Variants in EXD2 observed in about 807,000 individuals in gnomAD.
EXD2 encodes exonuclease 3'-5' domain-containing protein 2.
EXD2 carries 40 observed loss-of-function variants against 62.5 expected under a neutral mutation model. That is an observed-to-expected ratio of 0.64 (90% CI 0.50 to 0.83). EXD2 has a LOEUF of 0.83. Ranked by LOEUF, EXD2 falls within the 40% of genes least tolerant of loss-of-function variation. The pLI is 0.00. For synonymous variants in EXD2, 239 were observed against 291.9 expected (o/e 0.82, Z 1.85); for missense variants, 671 against 761.8 (o/e 0.88, Z 1.40).
intron 2 of EXD2, among the ~76,000 whole-genome samples, chr14:69,206,481 TTTTTTG>T: frequency 1.7e-5 from 2 of 115,872 alleles, no homozygotes; most frequent in African/African-American, 6.8e-5. Context: ...TTTTTTTTTT[TTTTTTG>T]AGATAGGGTC....
intron 3 of EXD2, among the ~76,000 whole-genome samples, chr14:69,221,419 TAA>T (rs1314321008): frequency 6.6e-6 from 1 of 152,222 alleles, no homozygotes; most frequent in Non-Finnish European, 1.5e-5. Context: ...TCAGTTTTGA[TAA>T]GTTATATATT....
At position 69,236,547 on chromosome 14, in the gene EXD2, G is replaced by A. The variant is rs138356811; in HGVS notation, c.1292+5G>A. ...CAAGAGAGACTCCTACATTCGGTGA[G>A]TGCAGCATTGGGCCACCCTGGTTGT... is the stretch of plus-strand genomic sequence containing the variant. On this transcript the variant is annotated splice_donor_5th_base_variant and intron_variant, in intron 8 of 9. Transcript: ENST00000685843. 179 of 1,614,116 alleles carry A rather than the reference G, an allele frequency of 1.1e-4. 2 individuals carry two copies. In the East Asian group the frequency reaches 3.1e-3, roughly 28 times the overall value.
chr14:69,217,910 G>A (rs2043040547), intron 3 of EXD2, among the ~76,000 whole-genome samples: 1 of 152,166 alleles, frequency 6.6e-6, no homozygotes, highest in African/African-American at 2.4e-5. Context: ...TGGTGTATAT[G>A]TGCCACATTT....
intron 6 of EXD2, 199 bp from the exon 7 acceptor site, chr14:69,235,847 T>C: frequency 1.7e-6 from 1 of 598,328 alleles, no homozygotes; most frequent in South Asian, 1.9e-5. Context: ...CATAAACTCA[T>C]TCATTTTTAG....
At position 69,206,455 on chromosome 14, in the gene EXD2, C is replaced by CCTTTTTTTTTTTTTTTTTTTTTTT. The variant is rs60787528; in HGVS notation, c.-48+2455_-48+2456insCTTTTTTTTTTTTTTTTTTTTTTT. ...CCCAGCTTCATCTCCCACCCACCCA[C>CCTTTTTTTTTTTTTTTTTTTTTTT]TTTTTTTTTTTTTTTTTTTTTTTTT... On this transcript the variant is annotated intron_variant, in intron 2 of 9. Transcript: ENST00000685843. Among the ~76,000 whole-genome samples, 43 of 94,644 alleles carry CCTTTTTTTTTTTTTTTTTTTTTTT rather than the reference C, an allele frequency of 4.5e-4. 15 individuals carry two copies. The highest frequency in any genetic ancestry group is 1.4e-3 in the African/African-American group (31 of 22,182). The allele number at this position is 94,644 out of a possible 152,430, so 62.1% of individuals were successfully genotyped here.
Position 69,243,024 on chromosome 14 carries a change from T to A in EXD2, c.*1924T>A, listed in dbSNP as rs2044019613. On this transcript the variant is annotated 3_prime_UTR_variant, in exon 10 of 10. Transcript: ENST00000685843. ...GTCATTTAAGGTGCTAGGGAAAGGGTTTTCCCATGGAGCTTTCTGTGAGGC... is the reference window on the plus strand; with the variant it reads ...GTCATTTAAGGTGCTAGGGAAAGGGATTTCCCATGGAGCTTTCTGTGAGGC... 1 of 152,134 alleles carries A rather than the reference T, an allele frequency of 6.6e-6. No homozygotes were observed. The highest frequency in any genetic ancestry group is 2.4e-5 in the African/African-American group (1 of 41,422). 9.4% of individuals were successfully genotyped at this position (152,134 alleles called of 1,614,324 possible). A position where few individuals can be genotyped will look rare whatever the true frequency, so the allele number is the denominator to read the frequency against.
At chr14:69,236,650 G>T in intron 8 of EXD2, 108 bp downstream of exon 8, 1 of 1,449,812 alleles carries the variant, frequency 6.9e-7, no homozygotes, top group Non-Finnish European at 9.5e-7. Context: ...CACTTTGGCT[G>T]AGAGGCTTGT....
intron 8 of EXD2, 93 bp downstream of exon 8, chr14:69,236,635 C>T: frequency 6.5e-7 from 1 of 1,538,532 alleles, no homozygotes; most frequent in Non-Finnish European, 8.9e-7. Context: ...GTGGCTGAGT[C>T]TGTCCACTTT....
chr14:69,217,542 CT>C lies in EXD2; in HGVS notation c.333+7749del, dbSNP rs572748219. Among the ~76,000 whole-genome samples, 725 of 149,188 alleles carry C rather than the reference CT, an allele frequency of 4.9e-3. 1 individual carries two copies. Among genetic ancestry groups the C allele is most frequent in the African/African-American group, 0.015 (595 of 40,762 alleles). On this transcript the variant is annotated intron_variant, in intron 3 of 9. Transcript: ENST00000685843. ...GGGAGAGATTTATATATCACATTTTCTTTTTTTTTTATTATACTTTAAGTTA... is the reference window on the plus strand; with the variant it reads ...GGGAGAGATTTATATATCACATTTTCTTTTTTTTTATTATACTTTAAGTTA...
chr14:69,199,624 CT>C (rs1200194597), intron 1 of EXD2, among the ~76,000 whole-genome samples: 2 of 150,636 alleles, frequency 1.3e-5, no homozygotes, highest in Middle Eastern at 3.4e-3. Context: ...CCTTTTTAAA[CT>C]TTTTTGTTAA....
At chr14:69,233,401 GT>G (rs201969472) in intron 5 of EXD2, among the ~76,000 whole-genome samples, 8 of 148,860 alleles carry the variant, frequency 5.4e-5, no homozygotes, top group South Asian at 2.1e-4. Context: ...TAAAATTTTA[GT>G]TTTTTTTTTA....
At chr14:69,199,614 C>A (rs1199438599) in intron 1 of EXD2, among the ~76,000 whole-genome samples, 2 of 148,902 alleles carry the variant, frequency 1.3e-5, no homozygotes, top group Non-Finnish European at 3.0e-5. Flanking sequence ...TTTTTTTTTA[C>A]CTTTTTAAAC....
Position 69,209,774 on chromosome 14 carries a change from T to C in EXD2, c.304T>C (p.Phe102Leu). 6.6e-7 allele frequency: 1 copy of C among 1,515,042 alleles called. No homozygotes were observed. 93.8% of individuals were successfully genotyped at this position (1,515,042 alleles called of 1,614,324 possible). The change falls in exon 3 of 10, where the codon TTT becomes CTT. Residue 102 changes from phenylalanine to leucine, a missense_variant. Physicochemically the swap from Phe to Leu is conservative, Grantham distance 22. Transcript: ENST00000685843. Reference protein sequence around the residue: ...EPLLRSELEDFPVLGIDCEWV... With the variant: ...EPLLRSELEDLPVLGIDCEWV... ...CTTGCTTAGAAGTGAATTAGAAGAT[T>C]TTCCAGTACTTGGAATTGACTGTGA...
chr14:69,240,559 T>G (rs988295758), intron 9 of EXD2, among the ~76,000 whole-genome samples: 5 of 152,130 alleles, frequency 3.3e-5, no homozygotes, highest in African/African-American at 9.7e-5. Context: ...TGGGTAATCC[T>G]GGAAGAAATG....
At chr14:69,198,115 G>T (rs185982508) in intron 1 of EXD2, among the ~76,000 whole-genome samples, 81 of 152,134 alleles carry the variant, frequency 5.3e-4, no homozygotes, top group Middle Eastern at 3.4e-3. Context: ...TGATTATGTG[G>T]TTTTTTTATG....
chr14:69,203,226 C>G (rs1280062650), intron 1 of EXD2, among the ~76,000 whole-genome samples: 1 of 146,942 alleles, frequency 6.8e-6, no homozygotes, highest in Admixed American at 7.2e-5. Context: ...GCCTGGCTGG[C>G]TAGTTTTTTG....
chr14:69,238,305 C>T lies in EXD2; in HGVS notation c.1649+374C>T, dbSNP rs112325008. Among the ~76,000 whole-genome samples, 720 of 152,264 alleles carry T rather than the reference C, an allele frequency of 4.7e-3. 5 individuals are homozygous for T. Among genetic ancestry groups the T allele is most frequent in the African/African-American group, 0.016 (683 of 41,520 alleles). Reference sequence around the variant, plus strand: ...TGAAATAATAGTCCAATAACACCCTCGAAGTTCTGAAGTTCCCCATGAGAT... The same window carrying T: ...TGAAATAATAGTCCAATAACACCCTTGAAGTTCTGAAGTTCCCCATGAGAT... On this transcript the variant is annotated intron_variant, in intron 9 of 9. Transcript: ENST00000685843.
chr14:69,229,120 T>C, intron 4 of EXD2, 48 bp downstream of exon 4: 1 of 1,602,760 alleles, frequency 6.2e-7, no homozygotes, highest in Non-Finnish European at 8.5e-7. Flanking sequence ...GGGACAAATA[T>C]TTTAGCCAGA....
chr14:69,241,258 GAT>G lies in EXD2; in HGVS notation c.*161_*162del. 1.6e-6 allele frequency: 1 copy of G among 632,274 alleles called. No homozygotes were observed. The highest frequency in any genetic ancestry group is 2.1e-5 in the South Asian group (1 of 46,566). The allele number at this position is 632,274 out of a possible 1,614,324, so 39.2% of individuals were successfully genotyped here. On this transcript the variant is annotated 3_prime_UTR_variant, in exon 10 of 10. Coordinates refer to ENST00000685843, the MANE Select transcript of EXD2 (RefSeq NM_001193360.2). ...CCCAGGATGCTTCTGCTGGAGCAAA[GAT>G]ATTGTTTGAAGGAGAGTTTATGGTT...
Sources: gnomAD v4.1 joint callset for allele counts (sites outside exome capture counted in the v4.1 genomes callset) on GRCh38, gnomAD v4.1.1 for gene constraint, MANE v1.5 for transcripts, NCBI Gene and HGNC (gene_info 2026-07-23, HGNC 2026-07-21) for gene names.